Variants in FAM219A observed in about 807,000 individuals in gnomAD.
FAM219A encodes protein FAM219A.
A neutral mutation model predicts 23.4 loss-of-function variants in FAM219A; 7 were observed. That is an observed-to-expected ratio of 0.30 (90% CI 0.17 to 0.56). The LOEUF (loss-of-function observed/expected upper bound fraction) is 0.56, where lower values mean the gene tolerates loss of function less well. Ranked by LOEUF, FAM219A falls within the 20% of genes least tolerant of loss-of-function variation. FAM219A has a pLI of 0.92. For synonymous variants in FAM219A, 93 were observed against 99.0 expected (o/e 0.94, Z 0.36); for missense variants, 166 against 246.9 (o/e 0.67, Z 2.20).
chr9:34,436,951 T>C (rs1822944908), intron 1 of FAM219A, among the ~76,000 whole-genome samples: 2 of 152,224 alleles, frequency 1.3e-5, no homozygotes, highest in Admixed American at 1.3e-4. Flanking sequence ...TTGTTTGTTT[T>C]TATGTTGCTC....
At chr9:34,431,480 C>A (rs933474040) in intron 1 of FAM219A, among the ~76,000 whole-genome samples, 2 of 152,200 alleles carry the variant, frequency 1.3e-5, no homozygotes, top group Non-Finnish European at 2.9e-5. Context: ...TGCACTTGAG[C>A]AGAATGCACC....
At chr9:34,435,873 T>G (rs1365113503) in intron 1 of FAM219A, among the ~76,000 whole-genome samples, 1 of 152,038 alleles carries the variant, frequency 6.6e-6, no homozygotes, top group East Asian at 1.9e-4. Context: ...TGGCATGATC[T>G]CGGCTCACTG....
chr9:34,400,890 G>T lies in FAM219A; in HGVS notation c.*74C>A. On this transcript the variant is annotated 3_prime_UTR_variant, in exon 6 of 6. Coordinates refer to ENST00000651358, the MANE Select transcript of FAM219A (RefSeq NM_001184940.2). The stretch of plus-strand genomic sequence containing the variant: ...GGGCCGGGGGCAGGCAGACGAGCTG[G>T]GAAGGGGTCGGCCTCTGCCCGTCCT... 1 of 1,414,054 alleles carries T rather than the reference G, an allele frequency of 7.1e-7. No individual in the cohort carries two copies. Among genetic ancestry groups the T allele is most frequent in the East Asian group, 2.7e-5 (1 of 37,346 alleles). The allele number at this position is 1,414,054 out of a possible 1,614,324, so 87.6% of individuals were successfully genotyped here. A position where few individuals can be genotyped will look rare whatever the true frequency, so the allele number is the denominator to read the frequency against.
rs989984086 is a variant in FAM219A at position 34,457,873 on chromosome 9, G to A, written c.60+331C>T. Among the ~76,000 whole-genome samples, 1 of 152,020 alleles carries A rather than the reference G, an allele frequency of 6.6e-6. No individual in the cohort carries two copies. The highest frequency in any genetic ancestry group is 2.4e-5 in the African/African-American group (1 of 41,386). On this transcript the variant is annotated intron_variant, in intron 1 of 5. Coordinates refer to ENST00000651358, the MANE Select transcript of FAM219A (RefSeq NM_001184940.2). This position sits in a 1 kb window ranked among gnomAD's most constrained non-coding sequence, Gnocchi z 5.1. ...CCCATCCCAGACCCCTGGGCCTGCC[G>A]CCGGCGGTGCCCCATGGCAGTTCCC...
At position 34,400,887 on chromosome 9, in the gene FAM219A, C is replaced by T. The variant is rs1329775898; in HGVS notation, c.*77G>A. On this transcript the variant is annotated 3_prime_UTR_variant, in exon 6 of 6. Coordinates refer to ENST00000651358, the MANE Select transcript of FAM219A (RefSeq NM_001184940.2). ...GCGGGGCCGGGGGCAGGCAGACGAG[C>T]TGGGAAGGGGTCGGCCTCTGCCCGT... 7.1e-7 allele frequency: 1 copy of T among 1,407,540 alleles called. No homozygotes were observed. Among genetic ancestry groups the T allele is most frequent in the African/African-American group, 1.5e-5 (1 of 67,542 alleles). 87.2% of individuals were successfully genotyped at this position (1,407,540 alleles called of 1,614,324 possible).
chr9:34,431,120 C>T (rs1822682366), intron 1 of FAM219A, among the ~76,000 whole-genome samples: 1 of 152,236 alleles, frequency 6.6e-6, no homozygotes, highest in African/African-American at 2.4e-5. Context: ...TCCAATCTCT[C>T]TCTATGGCTG....
intron 1 of FAM219A, among the ~76,000 whole-genome samples, chr9:34,431,594 GC>G (rs1822706647): frequency 6.6e-6 from 1 of 152,204 alleles, no homozygotes; most frequent in African/African-American, 2.4e-5. Context: ...AGAGGAGAGA[GC>G]TGGGTGTGGT....
chr9:34,402,077 G>A (rs1821461740), intron 4 of FAM219A, among the ~76,000 whole-genome samples: 1 of 151,876 alleles, frequency 6.6e-6, no homozygotes, highest in Non-Finnish European at 1.5e-5. Context: ...TTCCTGAGGG[G>A]ATGGGGCATT....
chr9:34,428,792 GTCC>G (rs775633544), intron 1 of FAM219A, among the ~76,000 whole-genome samples: 3 of 152,210 alleles, frequency 2.0e-5, no homozygotes, highest in African/African-American at 7.2e-5. Context: ...ATCTGGCAAA[GTCC>G]TCATCTGTTC....
At chr9:34,401,827 C>A in intron 4 of FAM219A, 107 bp from the exon 5 acceptor site, 1 of 1,219,978 alleles carries the variant, frequency 8.2e-7, no homozygotes, top group Non-Finnish European at 1.2e-6. Flanking sequence ...CTTACAGTTC[C>A]AAATAGCAAA....
intron 1 of FAM219A, among the ~76,000 whole-genome samples, chr9:34,441,618 A>C (rs554317341): frequency 1.3e-3 from 194 of 152,352 alleles, no homozygotes; most frequent in African/African-American, 4.4e-3. Flanking sequence ...GCAGAGAATT[A>C]ACAGGGTTCT....
At chr9:34,404,733 CAA>C (rs1217500615) in intron 2 of FAM219A, among the ~76,000 whole-genome samples, 7 of 151,998 alleles carry the variant, frequency 4.6e-5, no homozygotes, top group South Asian at 2.1e-4. Flanking sequence ...ACAACAACAA[CAA>C]CAACCAACAC....
At chr9:34,453,295 G>A (rs541014591) in intron 1 of FAM219A, among the ~76,000 whole-genome samples, 45 of 152,226 alleles carry the variant, frequency 3.0e-4, no homozygotes, top group South Asian at 2.9e-3. Context: ...TTCAGGAGCC[G>A]CTGTAGCCTA....
chr9:34,450,775 T>C (rs1316537342), intron 1 of FAM219A, among the ~76,000 whole-genome samples: 1 of 152,236 alleles, frequency 6.6e-6, no homozygotes, highest in Non-Finnish European at 1.5e-5. Flanking sequence ...GGATGTACTC[T>C]GCTTATAACA....
intron 1 of FAM219A, among the ~76,000 whole-genome samples, chr9:34,409,186 T>C (rs746247448): frequency 6.6e-6 from 1 of 152,226 alleles, no homozygotes; most frequent in Non-Finnish European, 1.5e-5. Context: ...CCTCCATCAC[T>C]ATCCATGACA....
intron 1 of FAM219A, among the ~76,000 whole-genome samples, chr9:34,451,613 A>T (rs1433645198): frequency 6.6e-6 from 1 of 152,190 alleles, no homozygotes; most frequent in African/African-American, 2.4e-5. Context: ...TGAGTGAAGA[A>T]GCCTGTTTTC....
intron 1 of FAM219A, among the ~76,000 whole-genome samples, chr9:34,422,262 A>C (rs944148437): frequency 1.4e-4 from 21 of 152,232 alleles, no homozygotes; most frequent in Admixed American, 3.9e-4. Flanking sequence ...CCATGGTGCT[A>C]AGTGCTTTAT....
chr9:34,423,754 G>A (rs960688256), intron 1 of FAM219A, among the ~76,000 whole-genome samples: 3 of 152,142 alleles, frequency 2.0e-5, no homozygotes, highest in African/African-American at 7.2e-5. Context: ...AAAAGTCAGT[G>A]TCAGTGGGGT....
intron 1 of FAM219A, among the ~76,000 whole-genome samples, chr9:34,434,685 T>C (rs1207596475): frequency 6.6e-6 from 1 of 152,228 alleles, no homozygotes; most frequent in Non-Finnish European, 1.5e-5. Context: ...GATCATAGTT[T>C]TACCTTGGGG....
Sources: allele counts gnomAD v4.1 joint callset (sites outside exome capture counted in the v4.1 genomes callset), GRCh38; gene constraint gnomAD v4.1.1; non-coding constraint Gnocchi (gnomAD v3.1); transcripts MANE v1.5; gene names NCBI Gene and HGNC (gene_info 2026-07-23, HGNC 2026-07-21).